The following PLXDC2 variants were observed in gnomAD, a reference collection of about 807,000 sequenced individuals.
The protein encoded by PLXDC2 is plexin domain containing 2.
Under a neutral mutation model 68.9 loss-of-function variants are expected in PLXDC2, and 40 were observed. That is an observed-to-expected ratio of 0.58 (90% CI 0.45 to 0.76). PLXDC2 has a LOEUF of 0.76. Among genes scored for constraint, PLXDC2 ranks in the 30% least tolerant of loss-of-function variants. The pLI, the probability that PLXDC2 is intolerant of heterozygous loss-of-function variation, is 0.00. For missense variants in PLXDC2, 644 were observed against 661.9 expected (o/e 0.97, Z 0.30); for synonymous variants, 243 against 234.2 (o/e 1.04, Z -0.34).
intron 4 of PLXDC2, among the ~76,000 whole-genome samples, chr10:20,099,471 T>C (rs1001987182): frequency 6.6e-6 from 1 of 152,170 alleles, no homozygotes; most frequent in African/African-American, 2.4e-5. Context: ...AAATGAAAAT[T>C]TGAATATTTC....
intron 2 of PLXDC2, among the ~76,000 whole-genome samples, chr10:20,017,252 A>AG (rs1294678849): frequency 2.0e-5 from 3 of 152,096 alleles, no homozygotes; most frequent in Non-Finnish European, 4.4e-5. Flanking sequence ...CAGTGCTTCT[A>AG]GGGGGGCAGG....
In PLXDC2 at chr10:20,231,794, G is replaced by A. The variant is rs941859257; in HGVS notation, c.1312+12692G>A. On this transcript the variant is annotated intron_variant, in intron 12 of 13. Transcript: ENST00000377252. ...GCTTTGGGAGACCAAGGCAGGAGGA[G>A]CACTTGAGCCCAGGAGTTGGAGACC... Among the ~76,000 whole-genome samples the A allele has an allele frequency of 3.3e-5, 5 of 151,994 alleles. 1 individual carries two copies. Among genetic ancestry groups the A allele is most frequent in the Admixed American group, 2.0e-4 (3 of 15,256 alleles).
At chr10:20,086,209 G>A (rs1321329298) in intron 4 of PLXDC2, among the ~76,000 whole-genome samples, 1 of 152,058 alleles carries the variant, frequency 6.6e-6, no homozygotes. Context: ...TCCGAGGCTG[G>A]AGTGCAGTGG....
At chr10:19,863,689 G>A (rs1837360758) in intron 1 of PLXDC2, among the ~76,000 whole-genome samples, 1 of 152,112 alleles carries the variant, frequency 6.6e-6, no homozygotes, top group Middle Eastern at 3.2e-3. Context: ...ATATTTTGTA[G>A]CTTGTTTATT....
chr10:20,042,424 C>G (rs1379170193), intron 2 of PLXDC2, among the ~76,000 whole-genome samples: 1 of 152,094 alleles, frequency 6.6e-6, no homozygotes, highest in Admixed American at 6.6e-5. Flanking sequence ...TTGGCAAGAA[C>G]CATTCAAATT....
intron 4 of PLXDC2, among the ~76,000 whole-genome samples, chr10:20,094,363 G>A (rs1272986764): frequency 1.3e-5 from 2 of 152,108 alleles, no homozygotes; most frequent in African/African-American, 2.4e-5. Flanking sequence ...TAGGCAACTC[G>A]CCTAAGGTCA....
chr10:20,181,715 C>T (rs962710686), intron 9 of PLXDC2, among the ~76,000 whole-genome samples: 82 of 151,990 alleles, frequency 5.4e-4, no homozygotes, highest in Non-Finnish European at 7.1e-4. Context: ...GTGAGAGTGA[C>T]ATCAGATAAG....
At chr10:19,985,242 C>T (rs1225766294) in intron 1 of PLXDC2, among the ~76,000 whole-genome samples, 14 of 152,172 alleles carry the variant, frequency 9.2e-5, no homozygotes, top group Non-Finnish European at 1.5e-5. Context: ...TAGGGTGACT[C>T]CTCCCCTTCT....
intron 7 of PLXDC2, among the ~76,000 whole-genome samples, chr10:20,175,257 A>G (rs1834510426): frequency 6.6e-6 from 1 of 152,208 alleles, no homozygotes; most frequent in African/African-American, 2.4e-5. Context: ...ATGCAGTAAT[A>G]TAGGTGCTAT....
In PLXDC2 at chr10:20,001,926, G is replaced by A; in HGVS notation, c.264G>A (p.Glu88=). 6.2e-7 allele frequency: 1 copy of A among 1,613,326 alleles called. No individual in the cohort carries two copies. The highest frequency in any genetic ancestry group is 8.5e-7 in the Non-Finnish European group (1 of 1,179,986). The part of the protein sequence containing the change: ...NRASVGQDSP[E]PRSFTDLLLD... ...CAAGCGTCGGCCAAGACTCTCCTGA[G>A]CCCAGAAGCTTCACAGACCTGCTGC... Residue 88 remains glutamate, a synonymous_variant, in exon 2 of 14, where the codon GAG becomes GAA. Transcript: ENST00000377252.
At chr10:20,131,485 C>T (rs944345335) in intron 4 of PLXDC2, among the ~76,000 whole-genome samples, 7 of 152,200 alleles carry the variant, frequency 4.6e-5, no homozygotes, top group East Asian at 1.9e-4. Context: ...CTGCAACCTC[C>T]GCCTCCTGAG....
intron 1 of PLXDC2, among the ~76,000 whole-genome samples, chr10:19,843,399 G>C (rs1300542444): frequency 6.6e-6 from 1 of 152,024 alleles, no homozygotes; most frequent in East Asian, 1.9e-4. Flanking sequence ...GTCTACCCCT[G>C]TTATCGTAGG....
intron 12 of PLXDC2, among the ~76,000 whole-genome samples, chr10:20,220,294 G>A (rs963404921): frequency 8.5e-5 from 13 of 152,098 alleles, no homozygotes; most frequent in African/African-American, 2.9e-4. Context: ...CCCAGAGGAG[G>A]ATGTTAGTAG....
chr10:20,082,822 C>T (rs1389047979), intron 4 of PLXDC2, among the ~76,000 whole-genome samples: 1 of 152,112 alleles, frequency 6.6e-6, no homozygotes, highest in African/African-American at 2.4e-5. Flanking sequence ...AAATAAACTA[C>T]TGGGAACCCA....
intron 9 of PLXDC2, among the ~76,000 whole-genome samples, chr10:20,203,723 A>T (rs1000621263): frequency 2.0e-5 from 3 of 152,270 alleles, no homozygotes; most frequent in African/African-American, 7.2e-5. Flanking sequence ...ATTCTAGAAA[A>T]CTAGAGGAAA....
intron 1 of PLXDC2, among the ~76,000 whole-genome samples, chr10:19,975,264 C>G (rs973481196): frequency 1.3e-5 from 2 of 151,908 alleles, no homozygotes; most frequent in Admixed American, 6.6e-5. Context: ...ACCATCCTGG[C>G]TAACACGGTG....
intron 1 of PLXDC2, among the ~76,000 whole-genome samples, chr10:19,898,028 G>T (rs1048378469): frequency 1.3e-5 from 2 of 152,044 alleles, no homozygotes; most frequent in Non-Finnish European, 2.9e-5. Context: ...TTTATCTTGA[G>T]TACCACATAC....
chr10:19,969,151 C>T (rs372519005), intron 1 of PLXDC2, among the ~76,000 whole-genome samples: 24 of 152,166 alleles, frequency 1.6e-4, no homozygotes, highest in African/African-American at 5.8e-4. Flanking sequence ...TTTATTTCGG[C>T]GACACCAAAA....
chr10:20,044,270 TTTCTTTCTTTC>T (rs1564294084), intron 2 of PLXDC2, among the ~76,000 whole-genome samples: 2 of 131,764 alleles, frequency 1.5e-5, no homozygotes, highest in African/African-American at 3.0e-5. Flanking sequence ...TCTTTCTTTC[TTTCTTTCTTTC>T]TTTCTTTCTT....
Sources: gnomAD v4.1 joint callset for allele counts (sites outside exome capture counted in the v4.1 genomes callset) on GRCh38, gnomAD v4.1.1 for gene constraint, MANE v1.5 for transcripts, NCBI Gene and HGNC (gene_info 2026-07-23, HGNC 2026-07-21) for gene names.